The following OR2L5 variants were observed in gnomAD, a reference collection of about 807,000 sequenced individuals.
OR2L5 encodes olfactory receptor 2L5.
For synonymous variants in OR2L5, 169 were observed against 142.0 expected (o/e 1.19, Z -1.35); for missense variants, 413 against 381.6 (o/e 1.08, Z -0.69).
chr1:248,017,352 G>T (rs541901732), intron 1 of OR2L5, among the ~76,000 whole-genome samples: 2 of 152,112 alleles, frequency 1.3e-5, no homozygotes, highest in Admixed American at 1.3e-4. Flanking sequence ...TAAAGACAGG[G>T]ATCTAATTTT....
Position 248,019,935 on chromosome 1 carries a change from G to A in OR2L5, c.-21-1992G>A, listed in dbSNP as rs887623134. 1.8e-4 allele frequency among the ~76,000 whole-genome samples: 27 copies of A among 152,060 alleles called. 1 individual carries two copies. Among genetic ancestry groups the A allele is most frequent in the African/African-American group, 6.3e-4 (26 of 41,504 alleles). On this transcript the variant is annotated intron_variant, in intron 1 of 1. Coordinates refer to ENST00000355281, the MANE Select transcript of OR2L5 (RefSeq NM_001258284.2). ...CCCAAGTAGCTGGGACTACTGGTGCGAGCCACCACCCCTGGCTAATTTTTG... is the reference window on the plus strand; with the variant it reads ...CCCAAGTAGCTGGGACTACTGGTGCAAGCCACCACCCCTGGCTAATTTTTG...
intron 1 of OR2L5, among the ~76,000 whole-genome samples, chr1:248,016,998 A>C (rs1662215573): frequency 6.6e-6 from 1 of 152,150 alleles, no homozygotes; most frequent in Admixed American, 6.5e-5. Flanking sequence ...ATAGTCAATA[A>C]AAGTTCATAA....
At chr1:248,020,334 C>A (rs1662306342) in intron 1 of OR2L5, among the ~76,000 whole-genome samples, 1 of 152,118 alleles carries the variant, frequency 6.6e-6, no homozygotes, top group South Asian at 2.1e-4. Flanking sequence ...ACCCTAAAGA[C>A]TCCTCCAGAA....
chr1:248,016,814 GGC>G (rs1253378403), intron 1 of OR2L5, among the ~76,000 whole-genome samples: 1 of 151,850 alleles, frequency 6.6e-6, no homozygotes, highest in African/African-American at 2.4e-5. Flanking sequence ...TGTAAATATA[GGC>G]ATATGTGTGT....
At chr1:248,021,008 G>T (rs1201373029) in intron 1 of OR2L5, among the ~76,000 whole-genome samples, 1 of 151,812 alleles carries the variant, frequency 6.6e-6, no homozygotes, top group East Asian at 1.9e-4. Context: ...TTAGAAGTAA[G>T]TGTTACACAA....
In OR2L5 at chr1:248,022,932, C is replaced by A; in HGVS notation, c.*46C>A. 2 of 1,468,340 alleles carry A rather than the reference C, an allele frequency of 1.4e-6. No homozygotes were observed. The highest frequency in any genetic ancestry group is 1.8e-6 in the Non-Finnish European group (2 of 1,087,344). The allele number at this position is 1,468,340 out of a possible 1,614,324, so 91.0% of individuals were successfully genotyped here. ...TCAAAGCGCTAGGTTCATATCAACT[C>A]AGCAGTGTACAGCAGTGAAGAAAAA... On this transcript the variant is annotated 3_prime_UTR_variant, in exon 2 of 2. Transcript: ENST00000355281.
rs1662351814 is a variant in OR2L5, at chr1:248,022,112, C to G, written c.165C>G (p.His55Gln). Reference protein sequence around the residue: ...ILLIFLDTHLHTPMYFLLSQL... With the variant: ...ILLIFLDTHLQTPMYFLLSQL... Reference sequence around the variant, plus strand: ...TCATCTTCTTGGACACCCATCTCCACACACCCATGTATTTCCTGCTTAGTC... The same window carrying G: ...TCATCTTCTTGGACACCCATCTCCAGACACCCATGTATTTCCTGCTTAGTC... Residue 55 changes from histidine (H) to glutamine (Q), a missense_variant, in exon 2 of 2, where the codon CAC (histidine) becomes CAG (glutamine). Transcript: ENST00000355281. 1.9e-6 allele frequency: 3 copies of G among 1,613,952 alleles called. No individual in the cohort carries two copies. Among genetic ancestry groups the G allele is most frequent in the Non-Finnish European group, 2.5e-6 (3 of 1,179,858 alleles).
At chr1:248,021,508 T>C (rs1173709363) in intron 1 of OR2L5, among the ~76,000 whole-genome samples, 1 of 152,188 alleles carries the variant, frequency 6.6e-6, no homozygotes, top group Non-Finnish European at 1.5e-5. Context: ...TCATAAATTA[T>C]CAGTTGGATT....
In OR2L5 at chr1:248,022,662, A is replaced by T. The variant is rs558090719; in HGVS notation, c.715A>T (p.Thr239Ser). ...AGAAGGGAGGAAAAAGGCCTATTCG[A>T]CCTGCAGCACCCACCTCACTGTAGT... ...SAEGRKKAYS[T>S]CSTHLTVVTF... The change falls in exon 2 of 2, where the codon ACC (threonine) becomes TCC (serine). Residue 239 changes from threonine to serine, a missense_variant. Coordinates refer to ENST00000355281, the MANE Select transcript of OR2L5 (RefSeq NM_001258284.2). 6.2e-7 allele frequency: 1 copy of T among 1,613,944 alleles called. No homozygotes were observed. The highest frequency in any genetic ancestry group is 2.2e-5 in the East Asian group (1 of 44,858).
At position 248,022,320 on chromosome 1, in the gene OR2L5, A is replaced by G. The variant is rs1662359497; in HGVS notation, c.373A>G (p.Ile125Val). 2.5e-6 allele frequency: 4 copies of G among 1,614,106 alleles called. No homozygotes were observed. Among genetic ancestry groups the G allele is most frequent in the South Asian group, 1.1e-5 (1 of 91,084 alleles). ...AATGGCCTATGATCGTTATGTGGCC[A>G]TTTGCTTTCCTCTCCACTATCCCAT... is the stretch of plus-strand genomic sequence containing the variant. ...TSMAYDRYVA[I>V]CFPLHYPIRM... The change falls in exon 2 of 2, where the codon ATT becomes GTT. Residue 125 changes from isoleucine to valine, a missense_variant. Coordinates refer to ENST00000355281, the MANE Select transcript of OR2L5 (RefSeq NM_001258284.2).
In OR2L5 at chr1:248,023,476, G is replaced by T. The variant is rs1451887493; in HGVS notation, c.*590G>T. 1 of 152,176 alleles carries T rather than the reference G, an allele frequency of 6.6e-6. No homozygotes were observed. The highest frequency in any genetic ancestry group is 1.5e-5 in the Non-Finnish European group (1 of 68,058). 9.4% of individuals were successfully genotyped at this position (152,176 alleles called of 1,614,324 possible). On this transcript the variant is annotated 3_prime_UTR_variant, in exon 2 of 2. Coordinates refer to ENST00000355281, the MANE Select transcript of OR2L5 (RefSeq NM_001258284.2). ...AACCTCTTAGACTACAGTTGACTTA[G>T]ACTTAGTTGAATGTGGAGTAGGTTA...
rs564305092 is a variant in OR2L5, at chr1:248,022,118, C to T, written c.171C>T (p.Pro57=). 58 of 1,613,942 alleles carry T rather than the reference C, an allele frequency of 3.6e-5. No homozygotes were observed. In the South Asian group the frequency reaches 5.7e-4, roughly 16 times the overall value. The change falls in exon 2 of 2, where the codon CCC becomes CCT. Residue 57 remains proline (P), a synonymous_variant. Transcript: ENST00000355281. ...TCTTGGACACCCATCTCCACACACC[C>T]ATGTATTTCCTGCTTAGTCAGCTCT... The part of the protein sequence containing the change: ...LIFLDTHLHT[P]MYFLLSQLSL...
intron 1 of OR2L5, among the ~76,000 whole-genome samples, 174 bp from the exon 2 acceptor site, chr1:248,021,749 TCTTC>T (rs556295360): frequency 1.4e-4 from 21 of 152,328 alleles, no homozygotes; most frequent in Non-Finnish European, 2.4e-4. Flanking sequence ...TTTGTTAATT[TCTTC>T]CTTGTCTAAT....
In OR2L5 at chr1:248,022,697, C is replaced by G. The variant is rs2103079565; in HGVS notation, c.750C>G (p.Tyr250Ter). 6.2e-7 allele frequency: 1 copy of G among 1,614,168 alleles called. No individual in the cohort carries two copies. Among genetic ancestry groups the G allele is most frequent in the African/African-American group, 1.3e-5 (1 of 75,056 alleles). Residue 250 changes from tyrosine to a stop codon, truncating the protein, a stop_gained, in exon 2 of 2, where the codon TAC (tyrosine) becomes TAG (stop). Transcript: ENST00000355281. LOFTEE classifies it low-confidence loss of function (END_TRUNC). ...CCCACCTCACTGTAGTAACTTTCTA[C>G]TATGCACCCTTTGCTTATACCTATC... is the stretch of plus-strand genomic sequence containing the variant. ...CSTHLTVVTF[Y>*]YAPFAYTYLC...
intron 1 of OR2L5, among the ~76,000 whole-genome samples, chr1:248,014,724 T>TA (rs1410715890): frequency 7.2e-5 from 11 of 152,248 alleles, no homozygotes; most frequent in Admixed American, 3.3e-4. Context: ...TCTTCAATGA[T>TA]ACACCCAGTC....
intron 1 of OR2L5, among the ~76,000 whole-genome samples, chr1:248,020,156 G>C (rs1662300837): frequency 6.6e-6 from 1 of 152,010 alleles, no homozygotes; most frequent in African/African-American, 2.4e-5. Context: ...ATAGCTTTTG[G>C]AACTGGAACA....
intron 1 of OR2L5, among the ~76,000 whole-genome samples, chr1:248,014,139 G>C (rs1662137359): frequency 6.6e-6 from 1 of 152,058 alleles, no homozygotes; most frequent in Admixed American, 6.6e-5. Flanking sequence ...CAAGTGGTGA[G>C]TAATTAATTA....
In OR2L5 at chr1:248,019,760, T is replaced by C. The variant is rs151146807; in HGVS notation, c.-21-2167T>C. On this transcript the variant is annotated intron_variant, in intron 1 of 1. Coordinates refer to ENST00000355281, the MANE Select transcript of OR2L5 (RefSeq NM_001258284.2). ...TCCTTCTCCTTCTCCTTCTCCTTCTTCTTCTTCTTTGTCTTGTTCTGCTTC... is the reference window on the plus strand; with the variant it reads ...TCCTTCTCCTTCTCCTTCTCCTTCTCCTTCTTCTTTGTCTTGTTCTGCTTC... Among the ~76,000 whole-genome samples the C allele has an allele frequency of 2.2e-3, 320 of 145,524 alleles. 2 individuals are homozygous for C. The highest frequency in any genetic ancestry group is 8.3e-3 in the African/African-American group (294 of 35,512).
In OR2L5 at chr1:248,016,133, C is replaced by CA. The variant is rs1558183718; in HGVS notation, c.-22+2396dup. Among the ~76,000 whole-genome samples the CA allele has an allele frequency of 2.0e-5, 3 of 152,184 alleles. No individual in the cohort carries two copies. The South Asian group carries it at 6.2e-4, about 32-fold the overall frequency. The stretch of plus-strand genomic sequence containing the variant: ...TTAAATTAGGCTATTTTAATTAGCT[C>CA]ATATTCAACTCTAAATTGAAGGATA... On this transcript the variant is annotated intron_variant, in intron 1 of 1. Coordinates refer to ENST00000355281, the MANE Select transcript of OR2L5 (RefSeq NM_001258284.2).
Sources: gnomAD v4.1 joint callset for allele counts (sites outside exome capture counted in the v4.1 genomes callset) on GRCh38, gnomAD v4.1.1 for gene constraint, MANE v1.5 for transcripts, NCBI Gene and HGNC (gene_info 2026-07-23, HGNC 2026-07-21) for gene names.